AMPD3: variants seen among roughly 807,000 people sequenced by gnomAD.
AMPD3 encodes AMP deaminase 3.
Under a neutral mutation model 82.3 loss-of-function variants are expected in AMPD3, and 57 were observed. The observed-to-expected ratio is 0.69, with a 90% confidence interval of 0.56 to 0.86. The LOEUF (loss-of-function observed/expected upper bound fraction) is 0.86, where lower values mean the gene tolerates loss of function less well. AMPD3 is among the 40% of genes least tolerant of loss of function. The probability of loss-of-function intolerance (pLI) is 0.00; values close to 1 mark genes in which losing one functional copy is unlikely to be tolerated. For missense variants in AMPD3, 870 were observed against 1,003.8 expected, an observed-to-expected ratio of 0.87 and a Z score of 1.80; for synonymous variants, 381 against 394.7, an observed-to-expected ratio of 0.97 and a Z score of 0.41.
chr11:10,453,790 C>T (rs771488745), upstream of AMPD3, among the ~76,000 whole-genome samples: 7 of 151,954 alleles, frequency 4.6e-5, no homozygotes, highest in African/African-American at 1.2e-4. Flanking sequence ...GGTTTCACCA[C>T]GTTGGCTAGG....
At chr11:10,501,092 C>T (rs756296303) in intron 11 of AMPD3, 65 of 985,348 alleles carry the variant, frequency 6.6e-5, no homozygotes, top group African/African-American at 1.2e-4. Flanking sequence ...CTTCACTCTC[C>T]GGGCCTTGGT....
intron 6 of AMPD3, among the ~76,000 whole-genome samples, chr11:10,489,374 G>A (rs890038699): frequency 6.6e-6 from 1 of 152,232 alleles, no homozygotes; most frequent in Non-Finnish European, 1.5e-5. Context: ...CACTGGCTGT[G>A]CTGGCACTGA....
intron 2 of AMPD3, among the ~76,000 whole-genome samples, chr11:10,474,491 G>A (rs1362269689): frequency 1.3e-5 from 2 of 152,196 alleles, no homozygotes; most frequent in East Asian, 1.9e-4. Context: ...TCCCCAGAGC[G>A]GAGGAGGGCT....
intron 6 of AMPD3, among the ~76,000 whole-genome samples, chr11:10,487,917 G>C (rs566985862): frequency 6.6e-6 from 1 of 151,896 alleles, no homozygotes; most frequent in Non-Finnish European, 1.5e-5. Context: ...CATGGCACAC[G>C]TTTACCTATG....
rs146225184 is a variant in AMPD3 at position 10,501,746 on chromosome 11, C to T, written c.1842+156C>T. 28 of 985,002 alleles carry T rather than the reference C, an allele frequency of 2.8e-5. No individual in the cohort carries two copies. The African/African-American group carries it at 4.9e-4, about 17-fold the overall frequency. The allele number at this position is 985,002 out of a possible 1,614,324, so 61.0% of individuals were successfully genotyped here. A position where few individuals can be genotyped will look rare whatever the true frequency, so the allele number is the denominator to read the frequency against. On this transcript the variant is annotated intron_variant, in intron 12 of 14. Transcript: ENST00000396553. ...TTTTTAATTATGAAAGTAATATAAT[C>T]AAACTCATCACAATTTTGATTTTCC...
At chr11:10,501,376 T>A in intron 11 of AMPD3, 94 bp from the exon 12 acceptor site, 5 of 1,552,946 alleles carry the variant, frequency 3.2e-6, no homozygotes, top group Non-Finnish European at 3.5e-6. Flanking sequence ...TGGGTGGTCA[T>A]TCCCCCCGGA....
At chr11:10,490,706 C>T (rs1325828955) in intron 6 of AMPD3, 2 of 951,542 alleles carry the variant, frequency 2.1e-6, no homozygotes, top group East Asian at 1.2e-4. Flanking sequence ...ACAGGCTGAC[C>T]CCCCTGTGGT....
chr11:10,491,074 G>C (rs1353185607), intron 6 of AMPD3, among the ~76,000 whole-genome samples: 3 of 152,220 alleles, frequency 2.0e-5, no homozygotes, highest in Non-Finnish European at 4.4e-5. Context: ...GAGATGCTCA[G>C]CCAGCCGTGG....
chr11:10,473,619 T>G (rs1027681819), intron 2 of AMPD3: 3 of 984,870 alleles, frequency 3.0e-6, no homozygotes, highest in Non-Finnish European at 3.6e-6. Flanking sequence ...TGGCTGCATA[T>G]GCGGAGTGAG....
At chr11:10,453,258 A>G (rs1848005531), upstream of AMPD3, among the ~76,000 whole-genome samples, 1 of 152,156 alleles carries the variant, frequency 6.6e-6, no homozygotes, top group South Asian at 2.1e-4. Context: ...GCCTGAGTCT[A>G]CGTTTTTAGC....
intron 2 of AMPD3, among the ~76,000 whole-genome samples, chr11:10,466,731 C>T (rs1032325655): frequency 6.4e-4 from 97 of 152,328 alleles, no homozygotes; most frequent in Middle Eastern, 6.8e-3. Context: ...CCCTAACCCC[C>T]GTGTATCCTG....
upstream of AMPD3, among the ~76,000 whole-genome samples, chr11:10,453,742 C>A (rs1053158544): frequency 3.3e-5 from 5 of 152,100 alleles, no homozygotes; most frequent in African/African-American, 1.2e-4. Flanking sequence ...GTGCGCACCA[C>A]CATGCCCAGC....
At chr11:10,495,396 C>T (rs991131770) in intron 8 of AMPD3, 174 bp from the exon 9 acceptor site, 2 of 984,224 alleles carry the variant, frequency 2.0e-6, no homozygotes, top group Admixed American at 1.2e-4. Context: ...GGGGGCCTCT[C>T]CTAAAGTGGA....
chr11:10,462,305 A>G (rs937418823), intron 2 of AMPD3, among the ~76,000 whole-genome samples: 2 of 152,220 alleles, frequency 1.3e-5, no homozygotes, highest in African/African-American at 4.8e-5. Flanking sequence ...CAGGTGGTAG[A>G]GAGCTGAGAA....
At position 10,505,371 on chromosome 11, in the gene AMPD3, C is replaced by T. The variant is rs1178009876; in HGVS notation, c.2128-337C>T. The T allele has an allele frequency of 3.4e-5, 28 of 827,052 alleles. 1 individual carries two copies. The East Asian group carries it at 7.9e-3, about 232-fold the overall frequency. 51.2% of individuals were successfully genotyped at this position (827,052 alleles called of 1,614,324 possible). A position where few individuals can be genotyped will look rare whatever the true frequency, so the allele number is the denominator to read the frequency against. On this transcript the variant is annotated intron_variant, in intron 14 of 14. Transcript: ENST00000396553. Reference sequence around the variant, plus strand: ...TCCCCAGGAACATTGTCCTTGTCAGCTCTCAGGGGCTTCTTAATTAGAGTC... The same window carrying T: ...TCCCCAGGAACATTGTCCTTGTCAGTTCTCAGGGGCTTCTTAATTAGAGTC...
At position 10,467,353 on chromosome 11, in the gene AMPD3, G is replaced by A. The variant is rs118162310; in HGVS notation, c.221+5613G>A. Reference sequence around the variant, plus strand: ...CTGATGGAGCAGAAAAACACAGCACGAGAACATTGTGAAGCATTCACAAGT... The same window carrying A: ...CTGATGGAGCAGAAAAACACAGCACAAGAACATTGTGAAGCATTCACAAGT... On this transcript the variant is annotated intron_variant, in intron 2 of 14. Coordinates refer to ENST00000396553, the MANE Select transcript of AMPD3 (RefSeq NM_001025389.2). Among the ~76,000 whole-genome samples the A allele has an allele frequency of 3.3e-3, 506 of 152,250 alleles. 1 individual carries two copies. Among genetic ancestry groups the A allele is most frequent in the East Asian group, 0.013 (67 of 5,184 alleles).
intron 3 of AMPD3, among the ~76,000 whole-genome samples, chr11:10,478,983 A>C (rs1372161431): frequency 1.3e-5 from 2 of 151,858 alleles, no homozygotes; most frequent in African/African-American, 4.8e-5. Context: ...GTGACTCGTA[A>C]GTTCCACATG....
At chr11:10,457,981 C>A (rs1248290469) in intron 1 of AMPD3, among the ~76,000 whole-genome samples, 1 of 152,158 alleles carries the variant, frequency 6.6e-6, no homozygotes, top group Admixed American at 6.5e-5. Context: ...TTCCCTCCCA[C>A]CCAAATACCC....
chr11:10,456,694 A>AG lies in AMPD3; in HGVS notation c.-6+1249dup. 1 of 833,854 alleles carries AG rather than the reference A, an allele frequency of 1.2e-6. No individual in the cohort carries two copies. The highest frequency in any genetic ancestry group is 1.4e-6 in the Non-Finnish European group (1 of 691,576). The allele number at this position is 833,854 out of a possible 1,614,324, so 51.7% of individuals were successfully genotyped here. A position where few individuals can be genotyped will look rare whatever the true frequency, so the allele number is the denominator to read the frequency against. On this transcript the variant is annotated intron_variant, in intron 1 of 14. Coordinates refer to ENST00000396553, the MANE Select transcript of AMPD3 (RefSeq NM_001025389.2). The surrounding 1 kb of genome is among the most constrained non-coding windows in gnomAD (Gnocchi z 4.3). ...CAAGCCTGCTGGCTTCAGCTGACAA[A>AG]GGGTTGGAAGCCAGGCGTGAACATG...
Sources: gnomAD v4.1 joint callset for allele counts (sites outside exome capture counted in the v4.1 genomes callset) on GRCh38, gnomAD v4.1.1 for gene constraint, Gnocchi (gnomAD v3.1) non-coding constraint, MANE v1.5 for transcripts, NCBI Gene and HGNC (gene_info 2026-07-23, HGNC 2026-07-21) for gene names.